Variants in SLC6A20 observed in about 807,000 individuals in gnomAD.
The protein encoded by SLC6A20 is solute carrier family 6 member 20.
In SLC6A20, 73 loss-of-function variants were observed where a neutral mutation model predicts 64.3. The observed-to-expected ratio is 1.14, with a 90% CI of 0.94 to 1.38. The LOEUF (loss-of-function observed/expected upper bound fraction) is 1.38, where lower values mean the gene tolerates loss of function less well. Among genes scored for constraint, SLC6A20 ranks in the 40% most tolerant of loss-of-function variants. SLC6A20 has a pLI of 0.00. For missense variants in SLC6A20, 725 were observed against 772.8 expected (o/e 0.94, Z 0.73); for synonymous variants, 347 against 329.6 (o/e 1.05, Z -0.57).
intron 2 of SLC6A20, 46 bp from the exon 3 acceptor site, chr3:45,780,146 C>T (rs371434632): frequency 3.3e-6 from 5 of 1,532,688 alleles, no homozygotes; most frequent in East Asian, 4.9e-5. Flanking sequence ...GATGGCCCTT[C>T]CCCCTCCGCC....
chr3:45,784,686 C>T (rs374257871), intron 1 of SLC6A20, among the ~76,000 whole-genome samples: 6 of 152,142 alleles, frequency 3.9e-5, no homozygotes, highest in African/African-American at 1.4e-4. Context: ...AAAATGTGAA[C>T]AGGCATTTCA....
intron 1 of SLC6A20, among the ~76,000 whole-genome samples, chr3:45,784,712 CTT>C (rs1700144859): frequency 6.6e-6 from 1 of 152,288 alleles, no homozygotes; most frequent in African/African-American, 2.4e-5. Flanking sequence ...GAATGCCTGT[CTT>C]AGTCTGTGCT....
At chr3:45,785,419 A>C (rs1700153701) in intron 1 of SLC6A20, among the ~76,000 whole-genome samples, 1 of 152,178 alleles carries the variant, frequency 6.6e-6, no homozygotes, top group Non-Finnish European at 1.5e-5. Flanking sequence ...CAGGCAGAAA[A>C]AAGTGAAAAG....
intron 1 of SLC6A20, among the ~76,000 whole-genome samples, chr3:45,793,378 G>T (rs1328027202): frequency 6.6e-6 from 1 of 152,200 alleles, no homozygotes; most frequent in African/African-American, 2.4e-5. Flanking sequence ...ACACACACTT[G>T]CATCCCCGAT....
chr3:45,781,082 G>A (rs1700077107), intron 2 of SLC6A20, among the ~76,000 whole-genome samples: 1 of 152,188 alleles, frequency 6.6e-6, no homozygotes, highest in African/African-American at 2.4e-5. Flanking sequence ...TTAGCCAGGT[G>A]TGGTGGCGGG....
intron 5 of SLC6A20, 79 bp downstream of exon 5, chr3:45,772,426 T>C (rs1355906413): frequency 2.2e-6 from 3 of 1,350,090 alleles, no homozygotes; most frequent in Non-Finnish European, 3.1e-6. Context: ...ACTCTCCACC[T>C]TTCCCTCTTC....
intron 4 of SLC6A20, among the ~76,000 whole-genome samples, chr3:45,774,363 T>C (rs1279006105): frequency 6.6e-6 from 1 of 152,268 alleles, no homozygotes; most frequent in South Asian, 2.1e-4. Flanking sequence ...TCTGATCTCT[T>C]GGATCATGAT....
At chr3:45,759,209 G>C in intron 10 of SLC6A20, 82 bp from the exon 11 acceptor site, 1 of 1,416,512 alleles carries the variant, frequency 7.1e-7, no homozygotes, top group Non-Finnish European at 9.5e-7. Flanking sequence ...TGATGGGGAG[G>C]TGATGTGACG....
chr3:45,786,124 A>C (rs188100805), intron 1 of SLC6A20, among the ~76,000 whole-genome samples: 1 of 152,196 alleles, frequency 6.6e-6, no homozygotes, highest in Admixed American at 6.5e-5. Context: ...TAAGTCACTA[A>C]TTTTTTTTCT....
intron 2 of SLC6A20, 31 bp from the exon 3 acceptor site, chr3:45,780,131 C>T: frequency 2.6e-6 from 4 of 1,557,788 alleles, no homozygotes; most frequent in Non-Finnish European, 3.5e-6. Context: ...GCGCTGAGGA[C>T]TGAGGATGGC....
At chr3:45,785,617 C>T (rs993152821) in intron 1 of SLC6A20, among the ~76,000 whole-genome samples, 3 of 99,926 alleles carry the variant, frequency 3.0e-5, no homozygotes, top group Non-Finnish European at 6.0e-5. Context: ...TCCCCTTTCT[C>T]TCTCTCTCTC....
In SLC6A20 at chr3:45,770,389, G is replaced by T. The variant is rs115535431; in HGVS notation, c.936-18C>A. On this transcript the variant is annotated intron_variant, in intron 6 of 10. Transcript: ENST00000358525. ...GACTCACCCTGCAGAGCAGACCATC[G>T]GATCGACCTTCACTGATCAGAAAGG... 6.2e-7 allele frequency: 1 copy of T among 1,612,886 alleles called. No homozygotes were observed. Among genetic ancestry groups the T allele is most frequent in the East Asian group, 2.2e-5 (1 of 44,856 alleles).
rs1404890315 is a variant in SLC6A20 at position 45,757,441 on chromosome 3, A to G, written c.*1537T>C. 3.3e-5 allele frequency: 5 copies of G among 152,214 alleles called. No homozygotes were observed. The highest frequency in any genetic ancestry group is 7.3e-5 in the Non-Finnish European group (5 of 68,114). The allele number at this position is 152,214 out of a possible 1,614,324, so 9.4% of individuals were successfully genotyped here. A position where few individuals can be genotyped will look rare whatever the true frequency, so the allele number is the denominator to read the frequency against. ...AGGTCCCTGCAGCTTTCTGCTGTGC[A>G]TTGTGTCCCTGGTTAATCGAGAATG... is the stretch of plus-strand genomic sequence containing the variant. On this transcript the variant is annotated 3_prime_UTR_variant, in exon 11 of 11. Coordinates refer to ENST00000358525, the MANE Select transcript of SLC6A20 (RefSeq NM_020208.4).
rs1035540403 is a variant in SLC6A20, at chr3:45,781,958, G to T, written c.262+125C>A. The T allele has an allele frequency of 9.2e-6, 12 of 1,298,098 alleles. No homozygotes were observed. In the South Asian group the frequency reaches 1.7e-4, roughly 18 times the overall value. The allele number at this position is 1,298,098 out of a possible 1,614,324, so 80.4% of individuals were successfully genotyped here. A position where few individuals can be genotyped will look rare whatever the true frequency, so the allele number is the denominator to read the frequency against. On this transcript the variant is annotated intron_variant, in intron 2 of 10. Transcript: ENST00000358525. ...CCACCAGGCCATTTGTTCACCCCAG[G>T]CAAGAGCTCTCTCTTGGGCCTTGTG...
rs779550378 is a variant in SLC6A20, at chr3:45,759,046, G to A, written c.1711C>T (p.Pro571Ser). ...ACAAAAGTCCCCAGGGCCGCCAGGG[G>A]GATGCACATGGTGGAGGAGGCCACA... Reference protein sequence around the residue: ...LLVASSTMCIPLAALGTFVQR... With the variant: ...LLVASSTMCISLAALGTFVQR... Residue 571 changes from proline to serine, a missense_variant, in exon 11 of 11, where the codon CCC (proline) becomes TCC (serine). Pro to Ser is a moderately conservative substitution (Grantham distance 74). Coordinates refer to ENST00000358525, the MANE Select transcript of SLC6A20 (RefSeq NM_020208.4). 6.2e-7 allele frequency: 1 copy of A among 1,612,542 alleles called. No homozygotes were observed. Among genetic ancestry groups the A allele is most frequent in the South Asian group, 1.1e-5 (1 of 90,626 alleles).
chr3:45,760,552 C>T (rs938880793), intron 9 of SLC6A20, among the ~76,000 whole-genome samples: 3 of 152,130 alleles, frequency 2.0e-5, no homozygotes, highest in Admixed American at 6.5e-5. Context: ...ACTGAAGGAC[C>T]GTAGCCCTGG....
chr3:45,790,126 C>T (rs141578731), intron 1 of SLC6A20, among the ~76,000 whole-genome samples: 198 of 152,238 alleles, frequency 1.3e-3, no homozygotes, highest in Middle Eastern at 3.4e-3. Flanking sequence ...GATGCCCGCC[C>T]GAGTCAGTGC....
Position 45,759,019 on chromosome 3 carries a change from GAACAAAAGTCCCC to G in SLC6A20, c.1725_1737del (p.Gly576SerfsTer41). ...GCGTCTCCCCTCTTGAGGCGACGCT[GAACAAAAGTCCCC>G]AGGGCCGCCAGGGGGATGCACATGG... On this transcript the variant is annotated frameshift_variant, in exon 11 of 11. Coordinates refer to ENST00000358525, the MANE Select transcript of SLC6A20 (RefSeq NM_020208.4). LOFTEE classifies it low-confidence loss of function (END_TRUNC). The G allele has an allele frequency of 6.2e-7, 1 of 1,612,386 alleles. No homozygotes were observed. Among genetic ancestry groups the G allele is most frequent in the Non-Finnish European group, 8.5e-7 (1 of 1,179,348 alleles).
chr3:45,764,643 A>C (rs1699742966), intron 8 of SLC6A20, among the ~76,000 whole-genome samples: 1 of 151,062 alleles, frequency 6.6e-6, no homozygotes, highest in Admixed American at 6.6e-5. Flanking sequence ...TGGAGGTTGC[A>C]GTGAGCCAAG....
Sources: gnomAD v4.1 joint callset for allele counts (sites outside exome capture counted in the v4.1 genomes callset) on GRCh38, gnomAD v4.1.1 for gene constraint, MANE v1.5 for transcripts, NCBI Gene and HGNC (gene_info 2026-07-23, HGNC 2026-07-21) for gene names.